ACAP2: variants seen among roughly 807,000 people sequenced by gnomAD.
The protein encoded by ACAP2 is ArfGAP with coiled-coil, ankyrin repeat and PH domains 2, also known as arf-GAP with coiled-coil, ANK repeat and PH domain-containing protein 2.
A neutral mutation model predicts 115.8 loss-of-function variants in ACAP2; 39 were observed. The observed-to-expected ratio is 0.34, with a 90% CI of 0.26 to 0.44. The LOEUF is 0.44. ACAP2 is among the 20% of genes least tolerant of loss of function. ACAP2 has a pLI of 1.00. For missense variants in ACAP2, 662 were observed against 927.6 expected (o/e 0.71, Z 3.72); for synonymous variants, 289 against 315.8 (o/e 0.92, Z 0.90).
rs534369884 is a variant in ACAP2 at position 195,381,788 on chromosome 3, C to T, written c.231+115G>A. On this transcript the variant is annotated intron_variant, in intron 3 of 22. Coordinates refer to ENST00000326793, the MANE Select transcript of ACAP2 (RefSeq NM_012287.6). ...AGAGCACCAAGGGGTGACCACTTTT[C>T]TACTTCTAATTTTAAGTATCACCAT... The T allele has an allele frequency of 3.6e-5, 45 of 1,261,908 alleles. No homozygotes were observed. The African/African-American group carries it at 4.5e-4, about 13-fold the overall frequency. The allele number at this position is 1,261,908 out of a possible 1,614,324, so 78.2% of individuals were successfully genotyped here.
intron 16 of ACAP2, among the ~76,000 whole-genome samples, chr3:195,296,252 CTTTA>C (rs540158096): frequency 3.6e-4 from 54 of 151,844 alleles, no homozygotes; most frequent in African/African-American, 1.2e-3. Flanking sequence ...TAGAAAGTAA[CTTTA>C]TTTTCATGTT....
intron 1 of ACAP2, among the ~76,000 whole-genome samples, chr3:195,440,074 C>CA (rs904575879): frequency 6.6e-6 from 1 of 151,502 alleles, no homozygotes; most frequent in Non-Finnish European, 1.5e-5. Context: ...AATTTCCACT[C>CA]AAAAAAAAGT....
At chr3:195,325,777 T>C (rs2108612930) in intron 9 of ACAP2, among the ~76,000 whole-genome samples, 1 of 152,314 alleles carries the variant, frequency 6.6e-6, no homozygotes, top group Non-Finnish European at 1.5e-5. Context: ...ATCATGTCAT[T>C]AAAACTCATT....
chr3:195,428,518 T>G (rs1243141619), intron 1 of ACAP2, among the ~76,000 whole-genome samples: 1 of 152,090 alleles, frequency 6.6e-6, no homozygotes, highest in Non-Finnish European at 1.5e-5. Context: ...TGCCACTGTG[T>G]TAAAATTGCC....
At position 195,276,212 on chromosome 3, in the gene ACAP2, T is replaced by G. The variant is rs889903497; in HGVS notation, c.*3116A>C. 1 of 152,422 alleles carries G rather than the reference T, an allele frequency of 6.6e-6. No individual in the cohort carries two copies. The highest frequency in any genetic ancestry group is 2.4e-5 in the African/African-American group (1 of 41,458). 9.4% of individuals were successfully genotyped at this position (152,422 alleles called of 1,614,324 possible). A position where few individuals can be genotyped will look rare whatever the true frequency, so the allele number is the denominator to read the frequency against. On this transcript the variant is annotated 3_prime_UTR_variant, in exon 23 of 23. Transcript: ENST00000326793. ...TTTTTTCTTTTTCAAAATGCACTCA[T>G]GAAGAACCAAAGTTCATATTCCAAA...
intron 1 of ACAP2, among the ~76,000 whole-genome samples, chr3:195,399,833 T>C (rs1271074196): frequency 2.0e-5 from 3 of 151,942 alleles, no homozygotes; most frequent in Non-Finnish European, 4.4e-5. Flanking sequence ...AAATCCCAGC[T>C]CATGATTTAA....
rs1324413322 is a variant in ACAP2, at chr3:195,277,074, A to T, written c.*2254T>A. ...CACAGGAGGCAAGAGTCTCATAAGG[A>T]ATTGCCTTCACAACCACAGAGATTC... is the stretch of plus-strand genomic sequence containing the variant. On this transcript the variant is annotated 3_prime_UTR_variant, in exon 23 of 23. Transcript: ENST00000326793. 1 of 152,220 alleles carries T rather than the reference A, an allele frequency of 6.6e-6. No individual in the cohort carries two copies. Among genetic ancestry groups the T allele is most frequent in the Non-Finnish European group, 1.5e-5 (1 of 68,024 alleles). 9.4% of individuals were successfully genotyped at this position (152,220 alleles called of 1,614,324 possible). A position where few individuals can be genotyped will look rare whatever the true frequency, so the allele number is the denominator to read the frequency against.
In ACAP2 at chr3:195,304,153, G is replaced by C. The variant is rs1466681940; in HGVS notation, c.1117-1979C>G. 1.7e-4 allele frequency among the ~76,000 whole-genome samples: 16 copies of C among 96,110 alleles called. No individual in the cohort carries two copies. The Admixed American group carries it at 2.6e-3, about 16-fold the overall frequency. The allele number at this position is 96,110 out of a possible 152,430, so 63.1% of individuals were successfully genotyped here. A position where few individuals can be genotyped will look rare whatever the true frequency, so the allele number is the denominator to read the frequency against. On this transcript the variant is annotated intron_variant, in intron 13 of 22. Coordinates refer to ENST00000326793, the MANE Select transcript of ACAP2 (RefSeq NM_012287.6). ...CACACCAGCCTGGGCAATGGAGTGA[G>C]ACTCCATCTCAAAAAAAAAAAAAAA...
At chr3:195,291,004 A>C (rs1319199785) in intron 20 of ACAP2, among the ~76,000 whole-genome samples, 2 of 152,082 alleles carry the variant, frequency 1.3e-5, no homozygotes, top group Non-Finnish European at 2.9e-5. Flanking sequence ...ACAGGGCGAG[A>C]CCCTGTCTCT....
chr3:195,351,509 T>C (rs1731599383), intron 4 of ACAP2, among the ~76,000 whole-genome samples: 1 of 149,054 alleles, frequency 6.7e-6, no homozygotes, highest in South Asian at 2.1e-4. Context: ...TCTGTCACCC[T>C]GGAGTGCAGT....
At chr3:195,315,783 T>C (rs1464380355) in intron 10 of ACAP2, among the ~76,000 whole-genome samples, 3 of 152,230 alleles carry the variant, frequency 2.0e-5, no homozygotes, top group Non-Finnish European at 2.9e-5. Flanking sequence ...ACTTTGTAAA[T>C]AGGAGGTAAT....
chr3:195,358,158 T>C (rs1732113507), intron 4 of ACAP2, among the ~76,000 whole-genome samples: 1 of 152,262 alleles, frequency 6.6e-6, no homozygotes, highest in Middle Eastern at 3.4e-3. Flanking sequence ...ACAGCATTAC[T>C]AGTCTTGGGG....
intron 13 of ACAP2, 138 bp from the exon 14 acceptor site, chr3:195,302,312 C>T: frequency 6.8e-6 from 5 of 733,574 alleles, no homozygotes; most frequent in South Asian, 2.1e-5. Context: ...AATAGTCTAG[C>T]TAGAAATTCA....
chr3:195,318,201 T>G (rs887041018), intron 10 of ACAP2, among the ~76,000 whole-genome samples: 3 of 152,234 alleles, frequency 2.0e-5, no homozygotes, highest in African/African-American at 4.8e-5. Flanking sequence ...TTAAAACTCC[T>G]TTCTTTATAA....
At chr3:195,437,880 A>G (rs1313545903) in intron 1 of ACAP2, among the ~76,000 whole-genome samples, 1 of 133,738 alleles carries the variant, frequency 7.5e-6, no homozygotes, top group Non-Finnish European at 1.5e-5. Flanking sequence ...GTCCTACTTT[A>G]CATGCTTTTT....
chr3:195,347,842 CTA>C (rs1019072264), intron 4 of ACAP2, among the ~76,000 whole-genome samples: 1 of 151,848 alleles, frequency 6.6e-6, no homozygotes, highest in African/African-American at 2.4e-5. Context: ...ACCCATCTCT[CTA>C]TATATATACA....
chr3:195,403,514 G>A (rs1313585367), intron 1 of ACAP2, among the ~76,000 whole-genome samples: 1 of 152,202 alleles, frequency 6.6e-6, no homozygotes, highest in African/African-American at 2.4e-5. Context: ...GATGAAGATG[G>A]CTCAAGGTAA....
intron 15 of ACAP2, among the ~76,000 whole-genome samples, 194 bp from the exon 16 acceptor site, chr3:195,297,475 C>G (rs1028627114): frequency 1.3e-5 from 2 of 152,192 alleles, no homozygotes; most frequent in African/African-American, 4.8e-5. Flanking sequence ...CCTTGCTGTT[C>G]TTCACCAAAT....
chr3:195,399,306 T>G (rs1362908857), intron 1 of ACAP2, among the ~76,000 whole-genome samples: 1 of 152,334 alleles, frequency 6.6e-6, no homozygotes. Context: ...AAAAGTGTTT[T>G]GTTTGGCTTA....
Sources: gnomAD v4.1 joint callset for allele counts (sites outside exome capture counted in the v4.1 genomes callset) on GRCh38, gnomAD v4.1.1 for gene constraint, MANE v1.5 for transcripts, NCBI Gene and HGNC (gene_info 2026-07-23, HGNC 2026-07-21) for gene names.